Variants in ZNRF2 observed in about 807,000 individuals in gnomAD.
The protein encoded by ZNRF2 is E3 ubiquitin-protein ligase ZNRF2.
A neutral mutation model predicts 20.4 loss-of-function variants in ZNRF2; 16 were observed. The observed-to-expected ratio is 0.79, with a 90% CI of 0.53 to 1.19. The LOEUF is 1.19. Among genes scored for constraint, ZNRF2 ranks in the 50% most tolerant of loss-of-function variants. The probability of loss-of-function intolerance (pLI) is 0.00; values close to 1 mark genes in which losing one functional copy is unlikely to be tolerated. For missense variants in ZNRF2, 363 were observed against 332.4 expected (o/e 1.09, Z -0.72); for synonymous variants, 178 against 144.9 (o/e 1.23, Z -1.64).
intron 1 of ZNRF2, among the ~76,000 whole-genome samples, chr7:30,293,975 T>C (rs1471796426): frequency 1.1e-4 from 16 of 152,216 alleles, no homozygotes; most frequent in Admixed American, 1.3e-4. Context: ...AATGAAGCCA[T>C]GCATACATAA....
At chr7:30,299,454 G>C (rs191026834) in intron 1 of ZNRF2, among the ~76,000 whole-genome samples, 1 of 150,876 alleles carries the variant, frequency 6.6e-6, no homozygotes, top group East Asian at 1.9e-4. Flanking sequence ...TGCAAAAAAA[G>C]TGAAAGTCAC....
chr7:30,314,943 A>G (rs967849971), intron 1 of ZNRF2, among the ~76,000 whole-genome samples: 1 of 151,932 alleles, frequency 6.6e-6, no homozygotes, highest in Non-Finnish European at 1.5e-5. Flanking sequence ...CAGCCTCCTG[A>G]GTAGCTGGGA....
chr7:30,315,727 C>CG (rs70980597), intron 1 of ZNRF2, among the ~76,000 whole-genome samples: 1,765 of 28,292 alleles, frequency 0.062, 78 homozygotes, highest in Non-Finnish European at 0.07. Context: ...AAAGGTGGGG[C>CG]GGGGGGGGGG....
chr7:30,284,650 G>A lies in ZNRF2; in HGVS notation c.-708G>A, dbSNP rs1798734310. The A allele has an allele frequency of 6.5e-6, 1 of 153,428 alleles. No individual in the cohort carries two copies. The highest frequency in any genetic ancestry group is 1.5e-5 in the Non-Finnish European group (1 of 68,580). 9.5% of individuals were successfully genotyped at this position (153,428 alleles called of 1,614,324 possible). On this transcript the variant is annotated 5_prime_UTR_variant, in exon 1 of 5. Transcript: ENST00000323037. ...CCGCGCCGCTCCGCGGCCTTCCGGCGCGGGGCCGGGGAACCTCCTCCCCAT... is the reference window on the plus strand; with the variant it reads ...CCGCGCCGCTCCGCGGCCTTCCGGCACGGGGCCGGGGAACCTCCTCCCCAT...
chr7:30,284,999 C>A lies in ZNRF2; in HGVS notation c.-359C>A. 2.6e-6 allele frequency: 1 copy of A among 383,086 alleles called. No individual in the cohort carries two copies. Among genetic ancestry groups the A allele is most frequent in the Non-Finnish European group, 5.2e-6 (1 of 193,580 alleles). The allele number at this position is 383,086 out of a possible 1,614,324, so 23.7% of individuals were successfully genotyped here. A position where few individuals can be genotyped will look rare whatever the true frequency, so the allele number is the denominator to read the frequency against. ...AGATCGGGGGCGCCGAGCGCGGCAG[C>A]AGAGAGCGGTAGCGGCCCGTCGTGG... On this transcript the variant is annotated 5_prime_UTR_variant, in exon 1 of 5. Transcript: ENST00000323037.
intron 4 of ZNRF2, among the ~76,000 whole-genome samples, chr7:30,363,752 A>T (rs1172051475): frequency 6.6e-6 from 1 of 151,144 alleles, no homozygotes; most frequent in African/African-American, 2.5e-5. Flanking sequence ...GGGTATTTTC[A>T]TAGGGCTTTT....
chr7:30,321,690 C>T (rs749540560), intron 1 of ZNRF2, among the ~76,000 whole-genome samples: 1 of 152,142 alleles, frequency 6.6e-6, no homozygotes, highest in Non-Finnish European at 1.5e-5. Context: ...TGTTTCAAAT[C>T]AGTTGCCTCT....
In ZNRF2 at chr7:30,285,197, C is replaced by T. The variant is rs1198993728; in HGVS notation, c.-161C>T. The T allele has an allele frequency of 1.1e-5, 5 of 472,912 alleles. No individual in the cohort carries two copies. The highest frequency in any genetic ancestry group is 1.7e-5 in the Non-Finnish European group (5 of 293,098). The allele number at this position is 472,912 out of a possible 1,614,324, so 29.3% of individuals were successfully genotyped here. ...GCCGCCCCAAGAAGAGCGCGCCGGG[C>T]GCCGACTGCCCCTCTGGACGCCGGG... On this transcript the variant is annotated 5_prime_UTR_variant, in exon 1 of 5. Coordinates refer to ENST00000323037, the MANE Select transcript of ZNRF2 (RefSeq NM_147128.4).
chr7:30,316,235 T>TACCA (rs1210287992), intron 1 of ZNRF2, among the ~76,000 whole-genome samples: 1 of 121,778 alleles, frequency 8.2e-6, no homozygotes, highest in Non-Finnish European at 1.6e-5. Context: ...TTGTGGTGAG[T>TACCA]CAAGATTGCA....
Position 30,343,594 on chromosome 7 carries a change from C to T in ZNRF2, c.566-12134C>T, listed in dbSNP as rs143308268. Among the ~76,000 whole-genome samples, 55 of 152,112 alleles carry T rather than the reference C, an allele frequency of 3.6e-4. No homozygotes were observed. In the East Asian group the frequency reaches 8.9e-3, roughly 25 times the overall value. On this transcript the variant is annotated intron_variant, in intron 2 of 4. Coordinates refer to ENST00000323037, the MANE Select transcript of ZNRF2 (RefSeq NM_147128.4). ...ATTTTTTAATATTATAAAAGCTCCT[C>T]TGTCTCCTTTAATGTTTATGCCTTA... is the stretch of plus-strand genomic sequence containing the variant.
chr7:30,294,740 A>G (rs1382242135), intron 1 of ZNRF2, among the ~76,000 whole-genome samples: 2 of 151,000 alleles, frequency 1.3e-5, no homozygotes, highest in African/African-American at 2.5e-5. Flanking sequence ...AGCCGAGATC[A>G]CACCACTGTA....
intron 1 of ZNRF2, among the ~76,000 whole-genome samples, chr7:30,302,433 GACCAGAAGGATGAAGAAAA>G (rs1799133135): frequency 6.6e-6 from 1 of 152,102 alleles, no homozygotes; most frequent in Admixed American, 6.6e-5. Flanking sequence ...ATAGGAAGAT[GACCAGAAGGATGAAGAAAA>G]ACCTCCGTCT....
At chr7:30,302,107 G>T (rs1339436256) in intron 1 of ZNRF2, among the ~76,000 whole-genome samples, 2 of 152,196 alleles carry the variant, frequency 1.3e-5, no homozygotes, top group African/African-American at 4.8e-5. Flanking sequence ...TGACATTCCT[G>T]CTTTTGCTCT....
chr7:30,313,392 C>T (rs1799319718), intron 1 of ZNRF2, among the ~76,000 whole-genome samples: 1 of 152,118 alleles, frequency 6.6e-6, no homozygotes. Context: ...CATGTGGCCT[C>T]ATAGGCTAGT....
chr7:30,288,535 C>T lies in ZNRF2; in HGVS notation c.469+2709C>T, dbSNP rs184659724. 5.3e-4 allele frequency among the ~76,000 whole-genome samples: 80 copies of T among 152,182 alleles called. 2 individuals carry two copies. The highest frequency in any genetic ancestry group is 1.9e-3 in the African/African-American group (78 of 41,508). ...TCTCATAATGAATTGCCACATTGAACGAGGAAGTTTTCTGTGTTGGTTTTA... is the reference window on the plus strand; with the variant it reads ...TCTCATAATGAATTGCCACATTGAATGAGGAAGTTTTCTGTGTTGGTTTTA... On this transcript the variant is annotated intron_variant, in intron 1 of 4. Coordinates refer to ENST00000323037, the MANE Select transcript of ZNRF2 (RefSeq NM_147128.4).
intron 2 of ZNRF2, among the ~76,000 whole-genome samples, chr7:30,344,155 C>T (rs1799841171): frequency 1.3e-5 from 2 of 151,614 alleles, no homozygotes; most frequent in South Asian, 4.1e-4. Context: ...CTCCTGACCT[C>T]AGGTGATCTG....
chr7:30,311,061 TG>T (rs1334578702), intron 1 of ZNRF2, among the ~76,000 whole-genome samples: 3 of 152,186 alleles, frequency 2.0e-5, no homozygotes, highest in African/African-American at 7.2e-5. Context: ...ACCCCTTGAC[TG>T]TGTGTAAGGT....
intron 1 of ZNRF2, among the ~76,000 whole-genome samples, chr7:30,293,631 T>C (rs147810120): frequency 6.6e-6 from 1 of 152,324 alleles, no homozygotes; most frequent in African/African-American, 2.4e-5. Context: ...GCCAAATTGC[T>C]CATTAGAGAT....
intron 1 of ZNRF2, among the ~76,000 whole-genome samples, chr7:30,308,024 T>C (rs1402937799): frequency 6.6e-6 from 1 of 152,156 alleles, no homozygotes; most frequent in African/African-American, 2.4e-5. Flanking sequence ...CCAGAAATCC[T>C]CCCCTTTGTT....
Sources: allele counts gnomAD v4.1 joint callset (sites outside exome capture counted in the v4.1 genomes callset), GRCh38; gene constraint gnomAD v4.1.1; transcripts MANE v1.5; gene names NCBI Gene and HGNC (gene_info 2026-07-23, HGNC 2026-07-21).